Variants in TOP3A observed in about 807,000 individuals in gnomAD.
TOP3A encodes the protein DNA topoisomerase 3-alpha.
Under a neutral mutation model 111.3 loss-of-function variants are expected in TOP3A, and 64 were observed. The observed-to-expected ratio is 0.57, with a 90% CI of 0.47 to 0.71. The LOEUF is 0.71. Among genes scored for constraint, TOP3A ranks in the 30% least tolerant of loss-of-function variants. The pLI is 0.00. For missense variants in TOP3A, 1,104 were observed against 1,285.0 expected (o/e 0.86, Z 2.15); for synonymous variants, 484 against 485.1 (o/e 1.00, Z 0.03).
chr17:18,293,022 C>G (rs1048777574), intron 10 of TOP3A, among the ~76,000 whole-genome samples, 170 bp from the exon 11 acceptor site: 24 of 152,240 alleles, frequency 1.6e-4, no homozygotes, highest in Non-Finnish European at 1.2e-4. Context: ...AGATGCACCC[C>G]CTCATGGGAT....
At chr17:18,286,347 CAAAA>C (rs57468944) in intron 13 of TOP3A, among the ~76,000 whole-genome samples, 1 of 118,508 alleles carries the variant, frequency 8.4e-6, no homozygotes, top group Non-Finnish European at 1.8e-5. Flanking sequence ...ACTAAAAATA[CAAAA>C]AAAAAAAAAA....
chr17:18,274,299 A>T lies in TOP3A; in HGVS notation c.*503T>A, dbSNP rs1032093433. The stretch of plus-strand genomic sequence containing the variant: ...GGCTTAACTAGATTAAGAGGGAATG[A>T]AGCTTCTTCTGAAGGATCAGTGTTA... On this transcript the variant is annotated 3_prime_UTR_variant, in exon 19 of 19. Coordinates refer to ENST00000321105, the MANE Select transcript of TOP3A (RefSeq NM_004618.5). 5 of 152,436 alleles carry T rather than the reference A, an allele frequency of 3.3e-5. No homozygotes were observed. The highest frequency in any genetic ancestry group is 1.2e-4 in the African/African-American group (5 of 41,466). The allele number at this position is 152,436 out of a possible 1,614,324, so 9.4% of individuals were successfully genotyped here.
Position 18,302,425 on chromosome 17 carries a change from A to G in TOP3A, c.653T>C (p.Phe218Ser), listed in dbSNP as rs760065838. 4.4e-6 allele frequency: 7 copies of G among 1,603,270 alleles called. No individual in the cohort carries two copies. Among genetic ancestry groups the G allele is most frequent in the Non-Finnish European group, 6.0e-6 (7 of 1,175,858 alleles). The part of the protein sequence containing the change: ...QELDLRIGAA[F>S]TRFQTLRLQR... ...AAGCCGCAGGGTCTGGAACCTAGTAAAGGCAGCTCCTGGAGAGTGAAGGAG... is the reference window on the plus strand; with the variant it reads ...AAGCCGCAGGGTCTGGAACCTAGTAGAGGCAGCTCCTGGAGAGTGAAGGAG... Residue 218 changes from phenylalanine to serine, a missense_variant, in exon 7 of 19, where the codon TTT becomes TCT. Phe to Ser is a radical substitution (Grantham distance 155). Coordinates refer to ENST00000321105, the MANE Select transcript of TOP3A (RefSeq NM_004618.5).
chr17:18,302,668 G>T lies in TOP3A; in HGVS notation c.555C>A (p.Ala185=). ...TCAGGTTTTCACAAGCTGTCCTGACGGCATGGGGTGTGATCTCAGAGAATC... is the reference window on the plus strand; with the variant it reads ...TCAGGTTTTCACAAGCTGTCCTGACTGCATGGGGTGTGATCTCAGAGAATC... ...RARFSEITPH[A]VRTACENLTE... Residue 185 remains alanine (A), a synonymous_variant, in exon 6 of 19, where the codon GCC becomes GCA. Transcript: ENST00000321105. The T allele has an allele frequency of 6.2e-7, 1 of 1,614,144 alleles. No individual in the cohort carries two copies. The highest frequency in any genetic ancestry group is 8.5e-7 in the Non-Finnish European group (1 of 1,180,024).
rs191624273 is a variant in TOP3A at position 18,288,499 on chromosome 17, G to C, written c.1597+2058C>G. On this transcript the variant is annotated intron_variant, in intron 13 of 18. Transcript: ENST00000321105. ...TTTTTTGTAAGTGTACCTCTATGTG[G>C]TTCCTTTACTTAGAAATCCTGGAAG... is the stretch of plus-strand genomic sequence containing the variant. Among the ~76,000 whole-genome samples, 6 of 151,908 alleles carry C rather than the reference G, an allele frequency of 3.9e-5. No homozygotes were observed. In the East Asian group the frequency reaches 1.2e-3, roughly 29 times the overall value.
intron 18 of TOP3A, among the ~76,000 whole-genome samples, chr17:18,277,385 A>T (rs925719979): frequency 6.6e-6 from 1 of 152,142 alleles, no homozygotes; most frequent in Non-Finnish European, 1.5e-5. Context: ...TTGTGATCAT[A>T]ATGCTTACCC....
chr17:18,286,223 G>A (rs1343971204), intron 13 of TOP3A, among the ~76,000 whole-genome samples: 1 of 151,096 alleles, frequency 6.6e-6, no homozygotes, highest in African/African-American at 2.4e-5. Context: ...AAAAAAAAGG[G>A]CTGGGCGTGG....
intron 9 of TOP3A, among the ~76,000 whole-genome samples, 192 bp from the exon 10 acceptor site, chr17:18,294,977 CA>C (rs1980705636): frequency 6.6e-6 from 1 of 152,188 alleles, no homozygotes; most frequent in Non-Finnish European, 1.5e-5. Context: ...TAGTGGTTCT[CA>C]GACTTTAATG....
chr17:18,277,869 C>A lies in TOP3A; in HGVS notation c.2633G>T (p.Gly878Val). The A allele has an allele frequency of 3.1e-6, 5 of 1,614,094 alleles. No individual in the cohort carries two copies. The highest frequency in any genetic ancestry group is 4.2e-6 in the Non-Finnish European group (5 of 1,180,014). ...GTTGCCAAACCCACCTAGGTGGATC[C>A]CTGGGCCTGGTGGGCATCCCAGGGA... ...GASLGCPPGP[G>V]IHLGGFGNPG... Residue 878 changes from glycine to valine, a missense_variant, in exon 18 of 19, where the codon GGG (glycine) becomes GTG (valine). Transcript: ENST00000321105.
rs1194611787 is a variant in TOP3A at position 18,299,547 on chromosome 17, T to C, written c.990+12A>G. ...TTCCCCGAGTGCCTGAAACAGCCTG[T>C]CTGGAACATACCACAGTGTCCAAGG... On this transcript the variant is annotated intron_variant, in intron 9 of 18. Transcript: ENST00000321105. 6.2e-7 allele frequency: 1 copy of C among 1,613,706 alleles called. No individual in the cohort carries two copies. Among genetic ancestry groups the C allele is most frequent in the East Asian group, 2.2e-5 (1 of 44,876 alleles).
chr17:18,292,607 T>C lies in TOP3A; in HGVS notation c.1281+38A>G, dbSNP rs1415790227. The C allele has an allele frequency of 1.0e-5, 15 of 1,501,800 alleles. 1 individual carries two copies. In the South Asian group the frequency reaches 1.9e-4, roughly 19 times the overall value. The allele number at this position is 1,501,800 out of a possible 1,614,324, so 93.0% of individuals were successfully genotyped here. On this transcript the variant is annotated intron_variant, in intron 11 of 18. Coordinates refer to ENST00000321105, the MANE Select transcript of TOP3A (RefSeq NM_004618.5). ...TTACTACTGACCCCCAGCACTTCCC[T>C]ATGGGTTCCAGCAGGCAGTACATTC...
intron 1 of TOP3A, among the ~76,000 whole-genome samples, chr17:18,309,893 G>C (rs1981809764): frequency 6.7e-6 from 1 of 150,298 alleles, no homozygotes; most frequent in Non-Finnish European, 1.5e-5. Context: ...TGTATTTTTA[G>C]TAGAGATGGG....
At position 18,301,865 on chromosome 17, in the gene TOP3A, A is replaced by G. The variant is rs1365198287; in HGVS notation, c.915+20T>C. 1 of 1,602,676 alleles carries G rather than the reference A, an allele frequency of 6.2e-7. No individual in the cohort carries two copies. Among genetic ancestry groups the G allele is most frequent in the East Asian group, 2.2e-5 (1 of 44,812 alleles). On this transcript the variant is annotated intron_variant, in intron 8 of 18. Transcript: ENST00000321105. ...TTGGGAGGTGTGCAGAATGTTTCCT[A>G]GATCATTAGGGGTTCTTACCTCCAC...
chr17:18,284,671 C>T (rs1179254558), intron 15 of TOP3A, among the ~76,000 whole-genome samples: 2 of 152,068 alleles, frequency 1.3e-5, no homozygotes, highest in East Asian at 3.8e-4. Context: ...AAATATCCAC[C>T]TCTAAATGCT....
rs746093206 is a variant in TOP3A, at chr17:18,285,534, G to C, written c.1598-14C>G. The C allele has an allele frequency of 1.2e-6, 2 of 1,610,182 alleles. No individual in the cohort carries two copies. The highest frequency in any genetic ancestry group is 1.3e-5 in the African/African-American group (1 of 74,866). ...TGGCATCCGTACCTGGAAGCCACTT[G>C]CTGGTTACTCTGAGGTAATACAGAC... is the stretch of plus-strand genomic sequence containing the variant. On this transcript the variant is annotated splice_polypyrimidine_tract_variant and intron_variant, in intron 13 of 18. Coordinates refer to ENST00000321105, the MANE Select transcript of TOP3A (RefSeq NM_004618.5).
At chr17:18,312,896 CA>C (rs1451908949) in intron 1 of TOP3A, 5 of 153,168 alleles carry the variant, frequency 3.3e-5, no homozygotes, top group African/African-American at 1.2e-4. Context: ...GCGGGTGGCT[CA>C]CCTGAAGTCA....
intron 1 of TOP3A, chr17:18,313,495 G>T: frequency 5.9e-6 from 1 of 169,240 alleles, no homozygotes; most frequent in South Asian, 1.5e-4. Flanking sequence ...AAAAGAGCCT[G>T]AGCCGCTGGA....
intron 13 of TOP3A, 119 bp downstream of exon 13, chr17:18,290,438 A>G (rs2142961498): frequency 8.4e-7 from 1 of 1,188,406 alleles, no homozygotes. Context: ...TCAACTATAA[A>G]ATGGGATAAA....
intron 8 of TOP3A, among the ~76,000 whole-genome samples, chr17:18,300,308 C>T (rs191114143): frequency 5.7e-4 from 87 of 151,526 alleles, no homozygotes; most frequent in African/African-American, 2.0e-3. Flanking sequence ...GCAGGAGAAT[C>T]GCTTGAACCC....
Sources: gnomAD v4.1 joint callset for allele counts (sites outside exome capture counted in the v4.1 genomes callset) on GRCh38, gnomAD v4.1.1 for gene constraint, MANE v1.5 for transcripts, NCBI Gene and HGNC (gene_info 2026-07-23, HGNC 2026-07-21) for gene names.